FTCDNL1: variants seen among roughly 807,000 people sequenced by gnomAD.
FTCDNL1 encodes formiminotransferase N-terminal subdomain-containing protein.
In FTCDNL1, 11 loss-of-function variants were observed where a neutral mutation model predicts 5.9. That is an observed-to-expected ratio of 1.87 (90% CI 1.18 to 3.10). FTCDNL1 has a LOEUF of 3.10. Ranked by LOEUF, FTCDNL1 falls within the 30% of genes most tolerant of loss-of-function variation. FTCDNL1 has a pLI of 0.00. For missense variants in FTCDNL1, 115 were observed against 65.5 expected, an observed-to-expected ratio of 1.76 and a Z score of -2.61; for synonymous variants, 58 against 24.8, an observed-to-expected ratio of 2.34 and a Z score of -3.99.
the FTCDNL1 span, among the ~76,000 whole-genome samples, chr2:199,701,291 T>G: frequency 9.3e-6 from 1 of 107,262 alleles, no homozygotes; most frequent in Non-Finnish European, 1.8e-5. Context: ...GGCTGTTACT[T>G]GAAAGTTTAA....
At chr2:199,746,218 TC>T in the FTCDNL1 span, among the ~76,000 whole-genome samples, 1 of 152,194 alleles carries the variant, frequency 6.6e-6, no homozygotes, top group Non-Finnish European at 1.5e-5. Context: ...CTTTCTTAAT[TC>T]CTCTGACAGT....
intron 3 of FTCDNL1, among the ~76,000 whole-genome samples, chr2:199,764,620 A>G (rs1393679999): frequency 6.6e-6 from 1 of 152,244 alleles, no homozygotes; most frequent in Non-Finnish European, 1.5e-5. Flanking sequence ...TGCAGGAGTC[A>G]GGACTCTTCT....
At chr2:199,763,541 T>C (rs1698370109) in intron 3 of FTCDNL1, among the ~76,000 whole-genome samples, 1 of 152,104 alleles carries the variant, frequency 6.6e-6, no homozygotes, top group African/African-American at 2.4e-5. Context: ...TTCCCCAAGC[T>C]CCCACTTACC....
chr2:199,764,729 G>C (rs1698431798), intron 3 of FTCDNL1, among the ~76,000 whole-genome samples: 1 of 152,166 alleles, frequency 6.6e-6, no homozygotes, highest in Non-Finnish European at 1.5e-5. Context: ...CTAGAATGCT[G>C]TAAAGAAAAT....
At chr2:199,709,215 G>A in the FTCDNL1 span, among the ~76,000 whole-genome samples, 109,335 of 151,880 alleles carry the variant, frequency 0.72, 40,410 homozygotes, top group South Asian at 0.9. Context: ...TCTATTGGCT[G>A]GGCAGTTGAA....
At chr2:199,731,277 G>A in the FTCDNL1 span, among the ~76,000 whole-genome samples, 6 of 152,160 alleles carry the variant, frequency 3.9e-5, no homozygotes, top group Non-Finnish European at 8.8e-5. Flanking sequence ...GGGTTGATAG[G>A]TGTAGCAAAC....
At chr2:199,748,544 G>A in the FTCDNL1 span, among the ~76,000 whole-genome samples, 2 of 152,056 alleles carry the variant, frequency 1.3e-5, no homozygotes, top group Non-Finnish European at 2.9e-5. Flanking sequence ...TTTCTAAATG[G>A]TTCCTACTTA....
chr2:199,688,724 C>A, the FTCDNL1 span, among the ~76,000 whole-genome samples: 4 of 152,176 alleles, frequency 2.6e-5, no homozygotes, highest in African/African-American at 9.7e-5. Context: ...AAGCTTTGGA[C>A]AGGAAGACCT....
At chr2:199,738,302 G>C in the FTCDNL1 span, among the ~76,000 whole-genome samples, 1 of 152,108 alleles carries the variant, frequency 6.6e-6, no homozygotes, top group African/African-American at 2.4e-5. Context: ...TTAGTTGTTT[G>C]ATTTTTACTG....
chr2:199,821,203 G>A (rs1485041040), intron 3 of FTCDNL1, among the ~76,000 whole-genome samples: 3 of 152,060 alleles, frequency 2.0e-5, no homozygotes, highest in Admixed American at 6.5e-5. Context: ...AGGCTGGAGT[G>A]TAGTGGTGCG....
At chr2:199,791,684 G>T (rs1267521220) in intron 3 of FTCDNL1, among the ~76,000 whole-genome samples, 2 of 152,020 alleles carry the variant, frequency 1.3e-5, no homozygotes, top group Non-Finnish European at 2.9e-5. Flanking sequence ...TAAAATTTAT[G>T]TTAAATCCAT....
chr2:199,678,725 A>C, the FTCDNL1 span, among the ~76,000 whole-genome samples: 4 of 152,166 alleles, frequency 2.6e-5, no homozygotes, highest in South Asian at 8.3e-4. Context: ...GAAATCATAC[A>C]TTTTGTTCAG....
At chr2:199,804,038 A>G (rs1700600772) in intron 3 of FTCDNL1, among the ~76,000 whole-genome samples, 1 of 152,218 alleles carries the variant, frequency 6.6e-6, no homozygotes, top group Admixed American at 6.5e-5. Flanking sequence ...TCTTTGTGAA[A>G]TAACAAAGTG....
the FTCDNL1 span, among the ~76,000 whole-genome samples, chr2:199,675,208 C>G: frequency 6.6e-6 from 1 of 152,154 alleles, no homozygotes; most frequent in African/African-American, 2.4e-5. Context: ...ATTCTCTTCT[C>G]TTCTACAGTT....
At chr2:199,761,116 T>G (rs922041333) in intron 3 of FTCDNL1, among the ~76,000 whole-genome samples, 1 of 152,230 alleles carries the variant, frequency 6.6e-6, no homozygotes, top group Non-Finnish European at 1.5e-5. Context: ...ATCAGTTTCT[T>G]GCCAGGACCC....
At chr2:199,801,385 G>A (rs1006904765) in intron 3 of FTCDNL1, among the ~76,000 whole-genome samples, 2 of 152,162 alleles carry the variant, frequency 1.3e-5, no homozygotes, top group Non-Finnish European at 2.9e-5. Context: ...AGTGGCTCAC[G>A]CCTCTAATCT....
chr2:199,707,596 G>T, the FTCDNL1 span, among the ~76,000 whole-genome samples: 6 of 150,430 alleles, frequency 4.0e-5, no homozygotes, highest in African/African-American at 9.8e-5. Flanking sequence ...TCTCCATTTG[G>T]TAAAGTTTTC....
intron 3 of FTCDNL1, among the ~76,000 whole-genome samples, chr2:199,771,334 T>C (rs1698799674): frequency 6.6e-6 from 1 of 152,142 alleles, no homozygotes; most frequent in African/African-American, 2.4e-5. Context: ...TCAGACACCA[T>C]TTAGTGCCAT....
the FTCDNL1 span, among the ~76,000 whole-genome samples, chr2:199,732,775 C>T: frequency 2.0e-5 from 3 of 152,064 alleles, no homozygotes; most frequent in Non-Finnish European, 4.4e-5. Context: ...CCCATCGAAC[C>T]CATGATCATT....
Sources: gnomAD v4.1 joint callset for allele counts (sites outside exome capture counted in the v4.1 genomes callset) on GRCh38, gnomAD v4.1.1 for gene constraint, MANE v1.5 for transcripts, NCBI Gene and HGNC (gene_info 2026-07-23, HGNC 2026-07-21) for gene names.